Variants in LIMA1 observed in about 807,000 individuals in gnomAD.
The protein encoded by LIMA1 is LIM domain and actin-binding protein 1.
In LIMA1, 52 loss-of-function variants were observed where a neutral mutation model predicts 62.6. That is an observed-to-expected ratio of 0.83 (90% CI 0.67 to 1.05). The LOEUF (loss-of-function observed/expected upper bound fraction) is 1.05. Ranked by LOEUF, LIMA1 falls within the 50% of genes least tolerant of loss-of-function variation. The pLI, the probability that LIMA1 is intolerant of heterozygous loss-of-function variation, is 0.00. For synonymous variants in LIMA1, 302 were observed against 317.8 expected, an observed-to-expected ratio of 0.95 and a Z score of 0.53; for missense variants, 780 against 902.2, an observed-to-expected ratio of 0.86 and a Z score of 1.74.
At chr12:50,250,630 C>G (rs1209493617) in intron 1 of LIMA1, among the ~76,000 whole-genome samples, 1 of 149,348 alleles carries the variant, frequency 6.7e-6, no homozygotes, top group Non-Finnish European at 1.5e-5. Context: ...TCTAAAAGAC[C>G]ACACTACTAC....
intron 1 of LIMA1, among the ~76,000 whole-genome samples, chr12:50,260,064 A>C (rs1341713931): frequency 6.6e-6 from 1 of 151,814 alleles, no homozygotes; most frequent in Admixed American, 6.6e-5. Flanking sequence ...CTTACTCTCA[A>C]CTCATCAAAA....
At chr12:50,248,795 G>T in intron 1 of LIMA1, 21 bp from the exon 2 acceptor site, 1 of 1,187,552 alleles carries the variant, frequency 8.4e-7, no homozygotes, top group Non-Finnish European at 1.3e-6. Flanking sequence ...AAGAAAGTCA[G>T]AACATTAGAC....
chr12:50,199,146 A>G lies in LIMA1; in HGVS notation c.972+1631T>C, dbSNP rs1221952376. ...GGAGTTCAAGACCAGCCTGGCCAAC[A>G]TGGTGAAACCCCATCTCTACTAAAA... On this transcript the variant is annotated intron_variant, in intron 7 of 10. Transcript: ENST00000341247. Among the ~76,000 whole-genome samples, 7 of 152,180 alleles carry G rather than the reference A, an allele frequency of 4.6e-5. No individual in the cohort carries two copies. In the East Asian group the frequency reaches 1.3e-3, roughly 29 times the overall value.
chr12:50,209,785 C>A lies in LIMA1; in HGVS notation c.631-3717G>T, dbSNP rs1036432376. ...AGCTCACACAATTCTCCTGTCTCAG[C>A]CTCCAGAGTAGCTGGGATTACAGGC... On this transcript the variant is annotated intron_variant, in intron 4 of 10. Transcript: ENST00000341247. 7.9e-5 allele frequency among the ~76,000 whole-genome samples: 12 copies of A among 152,086 alleles called. No individual in the cohort carries two copies. In the South Asian group the frequency reaches 2.5e-3, roughly 32 times the overall value.
chr12:50,283,172 G>A (rs546004198), intron 1 of LIMA1, among the ~76,000 whole-genome samples: 1 of 150,906 alleles, frequency 6.6e-6, no homozygotes, highest in South Asian at 2.1e-4. Flanking sequence ...GGTGGGAGAG[G>A]ACGGGGTATT....
intron 1 of LIMA1, among the ~76,000 whole-genome samples, chr12:50,257,578 C>T (rs893090872): frequency 1.2e-4 from 18 of 152,208 alleles, no homozygotes; most frequent in African/African-American, 4.3e-4. Context: ...CCAATCGTTA[C>T]CTCCTCCTCC....
chr12:50,185,131 G>A (rs899529609), intron 9 of LIMA1, among the ~76,000 whole-genome samples: 4 of 152,108 alleles, frequency 2.6e-5, no homozygotes, highest in African/African-American at 9.7e-5. Context: ...CGCCTGGCCC[G>A]GAATTCTGTA....
At chr12:50,234,177 A>G (rs1185522609) in intron 2 of LIMA1, 1 of 436,806 alleles carries the variant, frequency 2.3e-6, no homozygotes, top group Non-Finnish European at 4.6e-6. Context: ...GTGCAGGTAC[A>G]AGCTGCACAA....
chr12:50,238,540 A>AAAAGAC (rs1278185000), intron 2 of LIMA1, among the ~76,000 whole-genome samples: 1 of 148,084 alleles, frequency 6.8e-6, no homozygotes, highest in Non-Finnish European at 1.5e-5. Context: ...AAAAAAAGAC[A>AAAAGAC]AAAAAAACTT....
Position 50,177,701 on chromosome 12 carries a change from C to A in LIMA1, c.1643G>T (p.Gly548Val). 2 of 1,611,178 alleles carry A rather than the reference C, an allele frequency of 1.2e-6. No homozygotes were observed. The highest frequency in any genetic ancestry group is 8.5e-7 in the Non-Finnish European group (1 of 1,179,100). The change falls in exon 11 of 11, where the codon GGG (glycine) becomes GTG (valine). Residue 548 changes from glycine (G) to valine (V), a missense_variant. Physicochemically the swap from Gly to Val is moderately radical, Grantham distance 109. Coordinates refer to ENST00000341247, the MANE Select transcript of LIMA1 (RefSeq NM_016357.5). The part of the protein sequence containing the change: ...LGSSGSALEE[G>V]IKMSKPKWPP... ...CCATTTGGGCTTTGACATTTTGATCCCTTCCTCCAAGGCACTTCCTGAACT... is the reference window on the plus strand; with the variant it reads ...CCATTTGGGCTTTGACATTTTGATCACTTCCTCCAAGGCACTTCCTGAACT...
intron 9 of LIMA1, chr12:50,186,509 G>C (rs117908777): frequency 6.5e-6 from 1 of 152,756 alleles, no homozygotes; most frequent in South Asian, 2.1e-4. Context: ...TTTAAACAAT[G>C]CCTGTAGCAT....
chr12:50,219,111 TTGAGTA>T (rs1941400282), intron 4 of LIMA1, among the ~76,000 whole-genome samples: 1 of 152,102 alleles, frequency 6.6e-6, no homozygotes, highest in Non-Finnish European at 1.5e-5. Flanking sequence ...ATTCCAAGGT[TTGAGTA>T]TAAGATTGGC....
At chr12:50,229,590 T>TTA (rs1941579520) in intron 3 of LIMA1, among the ~76,000 whole-genome samples, 1 of 152,132 alleles carries the variant, frequency 6.6e-6, no homozygotes, top group African/African-American at 2.4e-5. Context: ...ATATACCTAA[T>TTA]GTAAATGACG....
intron 1 of LIMA1, among the ~76,000 whole-genome samples, chr12:50,276,483 C>T (rs535383939): frequency 7.2e-5 from 11 of 152,140 alleles, no homozygotes; most frequent in Admixed American, 3.9e-4. Context: ...AAGTGTAAAA[C>T]GGTAAAAATC....
intron 1 of LIMA1, among the ~76,000 whole-genome samples, chr12:50,268,676 C>T (rs1007087865): frequency 3.9e-5 from 6 of 151,968 alleles, no homozygotes; most frequent in East Asian, 3.9e-4. Flanking sequence ...TGGGCTCAAG[C>T]GATCCTCCCA....
chr12:50,235,273 C>CTTTT (rs1036341264), intron 2 of LIMA1, among the ~76,000 whole-genome samples: 2 of 124,370 alleles, frequency 1.6e-5, no homozygotes, highest in Admixed American at 8.2e-5. Context: ...AATCCTATCA[C>CTTTT]TTTTTTTTTT....
At chr12:50,251,025 G>T (rs540467829) in intron 1 of LIMA1, among the ~76,000 whole-genome samples, 4 of 152,284 alleles carry the variant, frequency 2.6e-5, no homozygotes, top group African/African-American at 9.6e-5. Context: ...AAACTGGAAT[G>T]TACCAAATAA....
At chr12:50,224,245 T>G (rs1592534425) in intron 3 of LIMA1, 1 of 152,248 alleles carries the variant, frequency 6.6e-6, no homozygotes, top group East Asian at 1.9e-4. Context: ...ATTTTGGGAA[T>G]TAAGTCTCTC....
chr12:50,264,151 G>A (rs1446347668), intron 1 of LIMA1, among the ~76,000 whole-genome samples: 1 of 151,828 alleles, frequency 6.6e-6, no homozygotes, highest in Non-Finnish European at 1.5e-5. Context: ...TTATATGAAA[G>A]GTCCAGAACA....
Sources: allele counts gnomAD v4.1 joint callset (sites outside exome capture counted in the v4.1 genomes callset), GRCh38; gene constraint gnomAD v4.1.1; transcripts MANE v1.5; gene names NCBI Gene and HGNC (gene_info 2026-07-23, HGNC 2026-07-21).